The following TRIM16 variants were observed in gnomAD, a reference collection of about 807,000 sequenced individuals.
TRIM16 encodes the protein tripartite motif-containing protein 16.
A neutral mutation model predicts 50.4 loss-of-function variants in TRIM16; 33 were observed. The observed-to-expected ratio is 0.65, with a 90% CI of 0.50 to 0.88. The LOEUF is 0.88. Ranked by LOEUF, TRIM16 falls within the 40% of genes least tolerant of loss-of-function variation. The pLI is 0.00. For missense variants in TRIM16, 581 were observed against 686.8 expected, an observed-to-expected ratio of 0.85 and a Z score of 1.72; for synonymous variants, 229 against 270.7, an observed-to-expected ratio of 0.85 and a Z score of 1.51.
chr17:15,638,721 G>A (rs111737067), intron 8 of TRIM16, among the ~76,000 whole-genome samples: 4 of 148,432 alleles, frequency 2.7e-5, no homozygotes, highest in Non-Finnish European at 6.0e-5. Flanking sequence ...AGGGAGAGAG[G>A]GAGGGAGAAT....
At chr17:15,629,426 TTGA>T (rs1242768538) in intron 11 of TRIM16, among the ~76,000 whole-genome samples, 3 of 152,262 alleles carry the variant, frequency 2.0e-5, no homozygotes, top group African/African-American at 4.8e-5. Context: ...TTGCTTGACA[TTGA>T]TGATATTATT....
Position 15,651,637 on chromosome 17 carries a change from T to G in TRIM16, c.-28A>C. 1 of 1,604,864 alleles carries G rather than the reference T, an allele frequency of 6.2e-7. No individual in the cohort carries two copies. Among genetic ancestry groups the G allele is most frequent in the East Asian group, 2.3e-5 (1 of 44,424 alleles). Reference sequence around the variant, plus strand: ...GGGAGGCTCTGCTCCTAGGCTGTCTTTCTTCTGTCCCTTGGCCCAGGATCT... The same window carrying G: ...GGGAGGCTCTGCTCCTAGGCTGTCTGTCTTCTGTCCCTTGGCCCAGGATCT... On this transcript the variant is annotated 5_prime_UTR_variant, in exon 7 of 12. Transcript: ENST00000649191.
In TRIM16 at chr17:15,629,084, G is replaced by T. The variant is rs1330871566; in HGVS notation, c.1226C>A (p.Pro409His). ...TPWEHPYPDL[P>H]SRFLHWRQVL... ...CTGCCGCCAGTGCAGGAACCTGCTG[G>T]GGAGGTCCGGGTAGGGATGCTCCCA... is the stretch of plus-strand genomic sequence containing the variant. Residue 409 changes from proline to histidine, a missense_variant, in exon 12 of 12, where the codon CCC (proline) becomes CAC (histidine). Physicochemically the swap from Pro to His is moderately conservative, Grantham distance 77. This residue lies in a region of TRIM16 where 450 missense variants were observed against 544.3 expected (regional missense o/e 0.83). Transcript: ENST00000649191. The T allele has an allele frequency of 2.5e-6, 4 of 1,613,960 alleles. No individual in the cohort carries two copies. The highest frequency in any genetic ancestry group is 3.4e-6 in the Non-Finnish European group (4 of 1,179,900).
At chr17:15,650,188 G>T (rs1987617992) in intron 7 of TRIM16, among the ~76,000 whole-genome samples, 1 of 152,144 alleles carries the variant, frequency 6.6e-6, no homozygotes, top group South Asian at 2.1e-4. Flanking sequence ...CCAAGAAATG[G>T]CCATAGGTCT....
chr17:15,670,997 A>G (rs1988706302), intron 6 of TRIM16, among the ~76,000 whole-genome samples: 1 of 152,280 alleles, frequency 6.6e-6, no homozygotes, highest in African/African-American at 2.4e-5. Context: ...GTTTTTTTGG[A>G]CTTGGATTAA....
chr17:15,639,240 C>T (rs1987006836), intron 8 of TRIM16, among the ~76,000 whole-genome samples: 1 of 144,712 alleles, frequency 6.9e-6, no homozygotes, highest in Admixed American at 6.8e-5. Context: ...GAGATAGGAG[C>T]TTACTACGTT....
At chr17:15,644,978 G>C (rs1987297491) in intron 7 of TRIM16, among the ~76,000 whole-genome samples, 1 of 151,906 alleles carries the variant, frequency 6.6e-6, no homozygotes, top group Non-Finnish European at 1.5e-5. Flanking sequence ...GCCACACCCG[G>C]TTAATTTTTG....
At chr17:15,638,945 G>T (rs1986984411) in intron 8 of TRIM16, among the ~76,000 whole-genome samples, 1 of 147,706 alleles carries the variant, frequency 6.8e-6, no homozygotes. Context: ...CTTCAATCTG[G>T]TGGCAAAGGG....
intron 6 of TRIM16, among the ~76,000 whole-genome samples, chr17:15,653,621 G>C (rs1433551825): frequency 6.6e-6 from 1 of 152,114 alleles, no homozygotes; most frequent in East Asian, 1.9e-4. Context: ...AAGAACACCA[G>C]TAAGACTAGA....
chr17:15,635,922 T>C (rs1036665106), intron 9 of TRIM16, 114 bp downstream of exon 9: 115 of 939,080 alleles, frequency 1.2e-4, no homozygotes, highest in Non-Finnish European at 1.8e-4. Flanking sequence ...CACTGCTCCC[T>C]GTGCACACCA....
rs540229202 is a variant in TRIM16, at chr17:15,676,203, C to T, written c.-338+973G>A. Among the ~76,000 whole-genome samples, 136 of 152,270 alleles carry T rather than the reference C, an allele frequency of 8.9e-4. 1 individual carries two copies. The highest frequency in any genetic ancestry group is 3.1e-3 in the African/African-American group (130 of 41,526). On this transcript the variant is annotated intron_variant, in intron 6 of 11. Coordinates refer to ENST00000649191, the MANE Select transcript of TRIM16 (RefSeq NM_001348119.1). ...TAGCAGCATTCCTGGACTCCACTCA[C>T]GAGATGCCCATAGCACACTTCAGAC...
At chr17:15,635,081 TC>T (rs1162151456) in intron 9 of TRIM16, among the ~76,000 whole-genome samples, 1 of 148,270 alleles carries the variant, frequency 6.7e-6, no homozygotes, top group Non-Finnish European at 1.5e-5. Flanking sequence ...TTTTTTTTCT[TC>T]TTTTTTTGTA....
intron 6 of TRIM16, among the ~76,000 whole-genome samples, chr17:15,660,283 G>A (rs933415573): frequency 5.3e-5 from 8 of 152,162 alleles, no homozygotes; most frequent in African/African-American, 9.7e-5. Flanking sequence ...TGTGGCCAGG[G>A]CCAGAGGACA....
chr17:15,649,415 C>T (rs191023188), intron 7 of TRIM16, among the ~76,000 whole-genome samples: 1 of 152,144 alleles, frequency 6.6e-6, no homozygotes, highest in East Asian at 1.9e-4. Context: ...GCCTCCCTAG[C>T]AGCTGGGACT....
chr17:15,639,779 C>G (rs1017721968), intron 8 of TRIM16, among the ~76,000 whole-genome samples: 3 of 149,186 alleles, frequency 2.0e-5, no homozygotes, highest in African/African-American at 7.5e-5. Flanking sequence ...ACCTGAGAAC[C>G]AGGAAAGCTA....
At chr17:15,644,101 C>T (rs1987241098) in intron 7 of TRIM16, among the ~76,000 whole-genome samples, 1 of 152,170 alleles carries the variant, frequency 6.6e-6, no homozygotes, top group South Asian at 2.1e-4. Flanking sequence ...ACCTCCGTGC[C>T]CTCTCCAGTG....
chr17:15,658,117 G>T (rs1192654969), intron 6 of TRIM16, among the ~76,000 whole-genome samples: 1 of 152,194 alleles, frequency 6.6e-6, no homozygotes, highest in Non-Finnish European at 1.5e-5. Flanking sequence ...ATTGGCAGTA[G>T]GTAGGTAAGT....
chr17:15,661,357 T>C (rs1988229709), intron 6 of TRIM16, among the ~76,000 whole-genome samples: 1 of 152,226 alleles, frequency 6.6e-6, no homozygotes, highest in South Asian at 2.1e-4. Flanking sequence ...TCTCTTAAGC[T>C]GTGAGACAAG....
intron 8 of TRIM16, among the ~76,000 whole-genome samples, chr17:15,642,445 A>G (rs1415922244): frequency 6.7e-6 from 1 of 148,496 alleles, no homozygotes; most frequent in African/African-American, 2.5e-5. Context: ...CTGTCAAGAC[A>G]GCATAAGCAA....
Sources: allele counts gnomAD v4.1 joint callset (sites outside exome capture counted in the v4.1 genomes callset), GRCh38; gene constraint gnomAD v4.1.1; regional missense constraint gnomAD v4.1.1; transcripts MANE v1.5; gene names NCBI Gene and HGNC (gene_info 2026-07-23, HGNC 2026-07-21).